CELF1: variants seen among roughly 807,000 people sequenced by gnomAD.
CELF1 encodes the protein 50 kDa nuclear polyadenylated RNA-binding protein.
A neutral mutation model predicts 61.8 loss-of-function variants in CELF1; 10 were observed. That is an observed-to-expected ratio of 0.16 (90% confidence interval 0.10 to 0.27). CELF1 has a LOEUF of 0.27. Among genes scored for constraint, CELF1 ranks in the 10% least tolerant of loss-of-function variants. CELF1 has a pLI of 1.00. For missense variants in CELF1, 380 were observed against 639.1 expected, an observed-to-expected ratio of 0.59 and a Z score of 4.37; for synonymous variants, 236 against 225.1, an observed-to-expected ratio of 1.05 and a Z score of -0.43.
At chr11:47,538,939 C>T (rs2096706307) in intron 1 of CELF1, among the ~76,000 whole-genome samples, 2 of 152,188 alleles carry the variant, frequency 1.3e-5, no homozygotes, top group African/African-American at 4.8e-5. Context: ...ATCAACTGGG[C>T]ACACAGCCAT....
At chr11:47,540,087 G>C (rs796616987) in intron 1 of CELF1, among the ~76,000 whole-genome samples, 2 of 152,210 alleles carry the variant, frequency 1.3e-5, no homozygotes, top group African/African-American at 4.8e-5. Context: ...GGTATAATTA[G>C]AGTAGGGACT....
At chr11:47,532,620 A>G (rs948861799) in intron 1 of CELF1, among the ~76,000 whole-genome samples, 2 of 152,240 alleles carry the variant, frequency 1.3e-5, no homozygotes, top group East Asian at 3.8e-4. Flanking sequence ...TAGAAACAAC[A>G]GAACAGTGCT....
Position 47,499,552 on chromosome 11 carries a change from G to C in CELF1, c.-29C>G. The C allele has an allele frequency of 1.3e-6, 2 of 1,510,406 alleles. No individual in the cohort carries two copies. Among genetic ancestry groups the C allele is most frequent in the African/African-American group, 2.8e-5 (2 of 72,680 alleles). The allele number at this position is 1,510,406 out of a possible 1,614,324, so 93.6% of individuals were successfully genotyped here. On this transcript the variant is annotated 5_prime_UTR_variant, in exon 3 of 15. The change creates a new upstream start codon in the 5' untranslated region. Coordinates refer to ENST00000687097, the MANE Select transcript of CELF1 (RefSeq NM_001376376.1). ...CTCACTCTCCCCTTCAGAAGCCAATGATATTAACTTGCTGCACTTGTCTGA... is the reference window on the plus strand; with the variant it reads ...CTCACTCTCCCCTTCAGAAGCCAATCATATTAACTTGCTGCACTTGTCTGA...
chr11:47,530,002 C>T (rs1195129043), intron 1 of CELF1, among the ~76,000 whole-genome samples: 2 of 152,076 alleles, frequency 1.3e-5, no homozygotes, highest in Non-Finnish European at 2.9e-5. Context: ...AAAAAATTAG[C>T]CTTCATCTAA....
intron 1 of CELF1, among the ~76,000 whole-genome samples, chr11:47,531,567 T>TCAAACAAACAAA (rs112404433): frequency 2.5e-3 from 378 of 151,082 alleles, no homozygotes; most frequent in African/African-American, 7.6e-3. Flanking sequence ...AGACTCCATC[T>TCAAACAAACAAA]CAAACAAACA....
chr11:47,476,937 G>A lies in CELF1; in HGVS notation c.996C>T (p.Ser332=). Residue 332 remains serine (S), a synonymous_variant, in exon 12 of 15, where the codon AGC becomes AGT. Coordinates refer to ENST00000687097, the MANE Select transcript of CELF1 (RefSeq NM_001376376.1). ...CTATGGGGTTGACAGAATTACTGCTGCTAGAGCTAGGTGAGGACCCTGCTA... is the reference window on the plus strand; with the variant it reads ...CTATGGGGTTGACAGAATTACTGCTACTAGAGCTAGGTGAGGACCCTGCTA... ...TSSAGSSPSS[S]SSNSVNPIAS... The A allele has an allele frequency of 6.2e-7, 1 of 1,614,084 alleles. No homozygotes were observed. The highest frequency in any genetic ancestry group is 8.5e-7 in the Non-Finnish European group (1 of 1,179,924).
intron 1 of CELF1, among the ~76,000 whole-genome samples, chr11:47,538,597 C>T (rs1337353835): frequency 2.7e-5 from 4 of 147,204 alleles, no homozygotes; most frequent in South Asian, 2.2e-4. Context: ...GAGCCGAGAT[C>T]GCGCCACTGC....
intron 1 of CELF1, among the ~76,000 whole-genome samples, chr11:47,550,728 A>T (rs1310895270): frequency 6.6e-6 from 1 of 152,060 alleles, no homozygotes; most frequent in Non-Finnish European, 1.5e-5. Context: ...CTGTATTAAG[A>T]AAAATACACG....
chr11:47,514,210 C>G (rs916572417), intron 1 of CELF1, among the ~76,000 whole-genome samples: 34 of 152,062 alleles, frequency 2.2e-4, no homozygotes, highest in African/African-American at 8.2e-4. Flanking sequence ...CAGGCATGAG[C>G]CACCATGTCT....
At chr11:47,558,471 C>T (rs1436254909) in intron 2 of CELF1, among the ~76,000 whole-genome samples, 1 of 122,978 alleles carries the variant, frequency 8.1e-6, no homozygotes, top group Non-Finnish European at 1.6e-5. Flanking sequence ...AGATGAAACC[C>T]TCATATATAT....
chr11:47,545,899 GTGTGTGTA>G (rs1368008203), intron 1 of CELF1, among the ~76,000 whole-genome samples: 26 of 125,782 alleles, frequency 2.1e-4, no homozygotes, highest in African/African-American at 8.1e-4. Context: ...GTGTGTGTGT[GTGTGTGTA>G]TATATATATT....
intron 2 of CELF1, among the ~76,000 whole-genome samples, chr11:47,560,662 T>C (rs943488455): frequency 2.0e-5 from 3 of 152,162 alleles, no homozygotes; most frequent in Admixed American, 2.0e-4. Context: ...GTGATAGTTG[T>C]GCAACCCTGT....
At chr11:47,490,274 T>A (rs1471627419) in intron 3 of CELF1, among the ~76,000 whole-genome samples, 1 of 152,040 alleles carries the variant, frequency 6.6e-6, no homozygotes, top group Non-Finnish European at 1.5e-5. Flanking sequence ...CCTATTTGTT[T>A]CTAAATTTAA....
intron 9 of CELF1, 167 bp downstream of exon 9, chr11:47,482,528 A>G: frequency 1.8e-6 from 1 of 561,822 alleles, no homozygotes; most frequent in Admixed American, 3.3e-5. Flanking sequence ...ATATAGAGAG[A>G]GAAAGAGACT....
chr11:47,509,230 T>G (rs1181214895), intron 1 of CELF1, among the ~76,000 whole-genome samples: 1 of 152,256 alleles, frequency 6.6e-6, no homozygotes, highest in Non-Finnish European at 1.5e-5. Flanking sequence ...CTTTCATTTC[T>G]GTGGGGAACC....
At chr11:47,489,935 G>GTTTTTTTTTTTTTTTGTTTTT (rs2090305885) in intron 3 of CELF1, among the ~76,000 whole-genome samples, 3 of 48,226 alleles carry the variant, frequency 6.2e-5, no homozygotes, top group African/African-American at 7.8e-5. Context: ...ATACCATCTT[G>GTTTTTTTTTTTTTTTGTTTTT]TTTTTTTTTT....
At chr11:47,509,479 G>A (rs1055881796) in intron 1 of CELF1, among the ~76,000 whole-genome samples, 1 of 152,140 alleles carries the variant, frequency 6.6e-6, no homozygotes, top group Non-Finnish European at 1.5e-5. Flanking sequence ...GTTTGAGCCC[G>A]GAAGTTTGAG....
chr11:47,525,629 G>A (rs1018763920), intron 1 of CELF1, among the ~76,000 whole-genome samples: 9 of 152,040 alleles, frequency 5.9e-5, no homozygotes, highest in African/African-American at 1.5e-4. Context: ...GTATTTATTC[G>A]GTATCATAGG....
intron 1 of CELF1, among the ~76,000 whole-genome samples, chr11:47,524,180 T>C (rs2096110695): frequency 6.6e-6 from 1 of 152,146 alleles, no homozygotes; most frequent in African/African-American, 2.4e-5. Context: ...AAATCATTTC[T>C]TAAAGGGGTG....
Sources: allele counts gnomAD v4.1 joint callset (sites outside exome capture counted in the v4.1 genomes callset), GRCh38; gene constraint gnomAD v4.1.1; transcripts MANE v1.5; gene names NCBI Gene and HGNC (gene_info 2026-07-23, HGNC 2026-07-21).